The following CD109 variants were observed in gnomAD, a reference collection of about 807,000 sequenced individuals.
The protein encoded by CD109 is CD109 molecule, also known as CD109 antigen.
Under a neutral mutation model 165.8 loss-of-function variants are expected in CD109, and 149 were observed. The ratio of observed to expected loss-of-function variants is 0.90; its 90% CI spans 0.79 to 1.03. CD109 has a LOEUF of 1.03. Ranked by LOEUF, CD109 falls within the 50% of genes least tolerant of loss-of-function variation. CD109 has a pLI of 0.00. For synonymous variants in CD109, 585 were observed against 592.1 expected, an observed-to-expected ratio of 0.99 and a Z score of 0.18; for missense variants, 1,712 against 1,677.8, an observed-to-expected ratio of 1.02 and a Z score of -0.36.
intron 24 of CD109, chr6:73,804,121 G>A (rs1264148184): frequency 1.3e-5 from 2 of 152,216 alleles, no homozygotes; most frequent in Admixed American, 1.3e-4. Context: ...TCTCAGAGCT[G>A]GTCACATGGC....
chr6:73,748,165 CT>C (rs1773053306), intron 5 of CD109, among the ~76,000 whole-genome samples: 1 of 152,048 alleles, frequency 6.6e-6, no homozygotes, highest in Non-Finnish European at 1.5e-5. Flanking sequence ...CTATTTCCAC[CT>C]CTCCCTCCTT....
At chr6:73,822,062 A>G (rs1230378207) in intron 32 of CD109, among the ~76,000 whole-genome samples, 1 of 152,198 alleles carries the variant, frequency 6.6e-6, no homozygotes, top group African/African-American at 2.4e-5. Flanking sequence ...TTTGGAAAAT[A>G]ACTTGAGCTT....
Position 73,803,231 on chromosome 6 carries a change from G to A in CD109, c.2890G>A (p.Glu964Lys), listed in dbSNP as rs1457228284. ...LSFMRQGYQR[E>K]LLYQREDGSF... ...ATTTTTGTGTCTAGGTTACCAGAGA[G>A]AACTTCTCTATCAGAGGGAAGATGG... is the stretch of plus-strand genomic sequence containing the variant. The change falls in exon 24 of 33, where the codon GAA (glutamate) becomes AAA (lysine). Residue 964 changes from glutamate to lysine, a missense_variant. Transcript: ENST00000287097. 9 of 1,610,558 alleles carry A rather than the reference G, an allele frequency of 5.6e-6. No individual in the cohort carries two copies. The highest frequency in any genetic ancestry group is 6.8e-6 in the Non-Finnish European group (8 of 1,178,194).
At chr6:73,750,800 G>A (rs748248440) in intron 5 of CD109, among the ~76,000 whole-genome samples, 1 of 152,054 alleles carries the variant, frequency 6.6e-6, no homozygotes, top group East Asian at 1.9e-4. Context: ...TTACTTGACA[G>A]GTGAAGTAAA....
At chr6:73,745,706 A>T (rs1362348074) in intron 5 of CD109, among the ~76,000 whole-genome samples, 1 of 152,142 alleles carries the variant, frequency 6.6e-6, no homozygotes, top group Non-Finnish European at 1.5e-5. Context: ...AACCTTGGTC[A>T]TATGAGGCTT....
At chr6:73,766,627 G>C in intron 11 of CD109, 132 bp from the exon 12 acceptor site, 1 of 628,150 alleles carries the variant, frequency 1.6e-6, no homozygotes, top group East Asian at 2.7e-5. Flanking sequence ...CCAATGTCTG[G>C]TGAATGTATT....
At chr6:73,718,919 G>T (rs142494609) in intron 2 of CD109, among the ~76,000 whole-genome samples, 1 of 151,936 alleles carries the variant, frequency 6.6e-6, no homozygotes, top group East Asian at 1.9e-4. Flanking sequence ...TTCTATCCCC[G>T]TGACCAGTTC....
chr6:73,785,289 A>C, intron 19 of CD109, 75 bp from the exon 20 acceptor site: 1 of 776,128 alleles, frequency 1.3e-6, no homozygotes, highest in South Asian at 1.6e-5. Context: ...GGTTTTATAA[A>C]GATTGCATTT....
chr6:73,781,959 G>A (rs184573555), intron 17 of CD109, among the ~76,000 whole-genome samples: 19 of 152,282 alleles, frequency 1.2e-4, no homozygotes, highest in Non-Finnish European at 1.5e-5. Flanking sequence ...GTCATAAAAT[G>A]TTTTGACTGA....
intron 5 of CD109, among the ~76,000 whole-genome samples, chr6:73,743,149 C>G (rs1772855855): frequency 6.6e-6 from 1 of 152,216 alleles, no homozygotes; most frequent in Admixed American, 6.5e-5. Context: ...CTTAGACATA[C>G]TAAGTCAGAA....
intron 2 of CD109, among the ~76,000 whole-genome samples, chr6:73,721,621 C>A (rs1388949468): frequency 6.6e-6 from 1 of 152,124 alleles, no homozygotes; most frequent in Non-Finnish European, 1.5e-5. Flanking sequence ...GCCTCGGCCT[C>A]CCAAAGTGCT....
At position 73,736,366 on chromosome 6, in the gene CD109, T is replaced by A; in HGVS notation, c.508-17T>A. ...TGGGCAGCCTCTACATACTTACATGTCTGGTTTTCATTTTAGGACCCCAAA... is the reference window on the plus strand; with the variant it reads ...TGGGCAGCCTCTACATACTTACATGACTGGTTTTCATTTTAGGACCCCAAA... On this transcript the variant is annotated splice_polypyrimidine_tract_variant and intron_variant, in intron 4 of 32. Transcript: ENST00000287097. The A allele has an allele frequency of 6.2e-7, 1 of 1,612,672 alleles. No individual in the cohort carries two copies. Among genetic ancestry groups the A allele is most frequent in the East Asian group, 2.2e-5 (1 of 44,804 alleles).
At chr6:73,729,527 A>ATTG (rs1388415495) in intron 3 of CD109, among the ~76,000 whole-genome samples, 1 of 141,428 alleles carries the variant, frequency 7.1e-6, no homozygotes, top group Non-Finnish European at 1.5e-5. Context: ...TATTATTATT[A>ATTG]TTATTATTTT....
intron 5 of CD109, among the ~76,000 whole-genome samples, chr6:73,751,643 G>A (rs1773193152): frequency 6.6e-6 from 1 of 152,088 alleles, no homozygotes; most frequent in African/African-American, 2.4e-5. Flanking sequence ...GAGTTTTCAG[G>A]TGTGTCAACA....
intron 2 of CD109, among the ~76,000 whole-genome samples, chr6:73,714,983 G>A (rs1771670561): frequency 6.6e-6 from 1 of 152,256 alleles, no homozygotes; most frequent in African/African-American, 2.4e-5. Flanking sequence ...ACAAGGCTGG[G>A]TCCAGTGGCT....
chr6:73,744,075 T>C (rs1335184954), intron 5 of CD109, among the ~76,000 whole-genome samples: 2 of 152,246 alleles, frequency 1.3e-5, no homozygotes, highest in African/African-American at 4.8e-5. Context: ...TTTACCATTT[T>C]AACAATTTAA....
chr6:73,772,024 C>T (rs1774053577), intron 15 of CD109, among the ~76,000 whole-genome samples: 1 of 152,062 alleles, frequency 6.6e-6, no homozygotes, highest in African/African-American at 2.4e-5. Flanking sequence ...TCACATTGTA[C>T]TCCATAAATA....
chr6:73,781,816 G>GCC (rs1774516765), intron 17 of CD109, among the ~76,000 whole-genome samples: 1 of 62,872 alleles, frequency 1.6e-5, no homozygotes. Context: ...CACACACGCA[G>GCC]ACACACACAC....
intron 21 of CD109, among the ~76,000 whole-genome samples, chr6:73,788,230 TATG>T (rs1307818631): frequency 6.6e-6 from 1 of 152,206 alleles, no homozygotes; most frequent in Non-Finnish European, 1.5e-5. Flanking sequence ...TAATCAAAGT[TATG>T]GTAATTTTTT....
Sources: gnomAD v4.1 joint callset for allele counts (sites outside exome capture counted in the v4.1 genomes callset) on GRCh38, gnomAD v4.1.1 for gene constraint, MANE v1.5 for transcripts, NCBI Gene and HGNC (gene_info 2026-07-23, HGNC 2026-07-21) for gene names.